The following NEO1 variants were observed in gnomAD, a reference collection of about 807,000 sequenced individuals.
NEO1 encodes neogenin.
In NEO1, 63 loss-of-function variants were observed where a neutral mutation model predicts 159.7. That is an observed-to-expected ratio of 0.39 (90% CI 0.32 to 0.49). The LOEUF (loss-of-function observed/expected upper bound fraction) is 0.49, where lower values mean the gene tolerates loss of function less well. Ranked by LOEUF, NEO1 falls within the 20% of genes least tolerant of loss-of-function variation. The pLI is 0.85. For missense variants in NEO1, 1,615 were observed against 1,831.0 expected, an observed-to-expected ratio of 0.88 and a Z score of 2.15; for synonymous variants, 633 against 662.0, an observed-to-expected ratio of 0.96 and a Z score of 0.67.
chr15:73,191,260 C>A (rs2036222545), intron 7 of NEO1, among the ~76,000 whole-genome samples: 1 of 152,008 alleles, frequency 6.6e-6, no homozygotes, highest in South Asian at 2.1e-4. Flanking sequence ...GCACAGCACA[C>A]CTTTGAGGGG....
chr15:73,262,122 C>A lies in NEO1; in HGVS notation c.2398+1657C>A, dbSNP rs190065302. 4.3e-4 allele frequency among the ~76,000 whole-genome samples: 65 copies of A among 152,170 alleles called. 1 individual carries two copies. The highest frequency in any genetic ancestry group is 6.8e-3 in the Middle Eastern group (2 of 294). The stretch of plus-strand genomic sequence containing the variant: ...GTCTTACGCTATATGCAAAAACAGA[C>A]CTAAATGCAAATGACCCAATGACTT... On this transcript the variant is annotated intron_variant, in intron 15 of 28. Coordinates refer to ENST00000261908, the MANE Select transcript of NEO1 (RefSeq NM_002499.4).
At chr15:73,249,296 ATGTGAGGGGG>A in intron 10 of NEO1, 88 bp downstream of exon 10, 1 of 1,373,720 alleles carries the variant, frequency 7.3e-7, no homozygotes, top group Non-Finnish European at 1.0e-6. Flanking sequence ...TTGACTGGAA[ATGTGAGGGGG>A]AAAAAGAAAC....
intron 4 of NEO1, among the ~76,000 whole-genome samples, chr15:73,131,625 A>G (rs2031144622): frequency 6.6e-6 from 1 of 152,062 alleles, no homozygotes. Flanking sequence ...TGTTCTTCCT[A>G]CTTGTACTCT....
intron 7 of NEO1, among the ~76,000 whole-genome samples, chr15:73,215,024 T>C (rs2037795601): frequency 6.6e-6 from 1 of 152,112 alleles, no homozygotes; most frequent in Admixed American, 6.6e-5. Context: ...CCAAAGTATT[T>C]TGAGTTTTGC....
chr15:73,061,952 A>G (rs2068000869), intron 1 of NEO1, among the ~76,000 whole-genome samples: 1 of 152,192 alleles, frequency 6.6e-6, no homozygotes, highest in African/African-American at 2.4e-5. Context: ...TGATGCTCCC[A>G]AATTTTTGAT....
intron 15 of NEO1, among the ~76,000 whole-genome samples, chr15:73,264,303 C>A (rs1312523312): frequency 1.3e-5 from 2 of 152,154 alleles, no homozygotes; most frequent in African/African-American, 4.8e-5. Flanking sequence ...TCTTCAGGTG[C>A]TTTCAGTCTA....
chr15:73,268,015 G>A (rs2040994505), intron 16 of NEO1, among the ~76,000 whole-genome samples: 1 of 152,086 alleles, frequency 6.6e-6, no homozygotes, highest in African/African-American at 2.4e-5. Flanking sequence ...GTACATCCTT[G>A]AGTTCCTTTT....
At chr15:73,166,351 A>G (rs749334575) in intron 5 of NEO1, among the ~76,000 whole-genome samples, 2 of 152,224 alleles carry the variant, frequency 1.3e-5, no homozygotes, top group Non-Finnish European at 2.9e-5. Flanking sequence ...TCTTCTGGGC[A>G]TGTTACCAAA....
At chr15:73,272,299 G>C (rs1267125821) in intron 18 of NEO1, among the ~76,000 whole-genome samples, 156 bp from the exon 19 acceptor site, 2 of 152,090 alleles carry the variant, frequency 1.3e-5, no homozygotes, top group African/African-American at 4.8e-5. Flanking sequence ...CTTTTGATTG[G>C]AACTTTTGAT....
At chr15:73,241,640 G>A (rs1039872191) in intron 8 of NEO1, among the ~76,000 whole-genome samples, 2 of 152,146 alleles carry the variant, frequency 1.3e-5, no homozygotes, top group Admixed American at 1.3e-4. Flanking sequence ...TCTATAAAGT[G>A]TGCCCTTTTC....
intron 1 of NEO1, among the ~76,000 whole-genome samples, chr15:73,056,174 C>T (rs929386317): frequency 6.6e-6 from 1 of 152,240 alleles, no homozygotes; most frequent in Non-Finnish European, 1.5e-5. Flanking sequence ...CCAATAAAGC[C>T]TCATCTCTTG....
chr15:73,256,186 A>G (rs1236760375), intron 13 of NEO1: 1 of 152,198 alleles, frequency 6.6e-6, no homozygotes, highest in Non-Finnish European at 1.5e-5. Context: ...TGAGAGAACC[A>G]AGATCTGGGG....
At chr15:73,241,920 A>C (rs2039505479) in intron 8 of NEO1, among the ~76,000 whole-genome samples, 1 of 152,192 alleles carries the variant, frequency 6.6e-6, no homozygotes, top group Non-Finnish European at 1.5e-5. Context: ...TTCACATAGA[A>C]GCAAACAAAA....
intron 7 of NEO1, among the ~76,000 whole-genome samples, chr15:73,191,535 A>G (rs946775343): frequency 7.5e-6 from 1 of 133,598 alleles, no homozygotes; most frequent in African/African-American, 2.5e-5. Flanking sequence ...TGGAAAGAAC[A>G]TAGAAAGACA....
chr15:73,258,729 T>G (rs113597864), intron 13 of NEO1, 37 bp from the exon 14 acceptor site: 1 of 1,544,964 alleles, frequency 6.5e-7, no homozygotes, highest in South Asian at 1.1e-5. Flanking sequence ...TTTCCAAAGC[T>G]CTTGTTTCAG....
At chr15:73,273,058 A>G (rs2041247381) in intron 19 of NEO1, among the ~76,000 whole-genome samples, 2 of 148,304 alleles carry the variant, frequency 1.3e-5, no homozygotes, top group African/African-American at 5.0e-5. Flanking sequence ...TGCTCTTATA[A>G]TTAGAGTTAA....
At chr15:73,230,248 G>A (rs2038829901) in intron 7 of NEO1, among the ~76,000 whole-genome samples, 1 of 152,102 alleles carries the variant, frequency 6.6e-6, no homozygotes, top group Admixed American at 6.5e-5. Context: ...CAGACTTCAT[G>A]TTTTTTCTTG....
At chr15:73,063,815 A>G (rs1472130133) in intron 1 of NEO1, among the ~76,000 whole-genome samples, 3 of 152,206 alleles carry the variant, frequency 2.0e-5, no homozygotes, top group African/African-American at 7.2e-5. Context: ...AATCATAGCC[A>G]GATAATCTGT....
upstream of NEO1, among the ~76,000 whole-genome samples, chr15:73,052,311 C>T (rs919341242): frequency 1.4e-5 from 2 of 145,856 alleles, no homozygotes; most frequent in Admixed American, 1.4e-4. Flanking sequence ...CCGCCCCCGC[C>T]CCCGCCCCCG....
Sources: allele counts gnomAD v4.1 joint callset (sites outside exome capture counted in the v4.1 genomes callset), GRCh38; gene constraint gnomAD v4.1.1; transcripts MANE v1.5; gene names NCBI Gene and HGNC (gene_info 2026-07-23, HGNC 2026-07-21).